PIP4P2: variants seen among roughly 807,000 people sequenced by gnomAD.
PIP4P2 encodes phosphatidylinositol-4,5-bisphosphate 4-phosphatase 2.
PIP4P2 carries 19 observed loss-of-function variants against 33.3 expected under a neutral mutation model. The ratio of observed to expected loss-of-function variants is 0.57; its 90% CI spans 0.40 to 0.84. The LOEUF is 0.84. Among genes scored for constraint, PIP4P2 ranks in the 40% least tolerant of loss-of-function variants. PIP4P2 has a pLI of 0.00. For missense variants in PIP4P2, 270 were observed against 324.7 expected (o/e 0.83, Z 1.29); for synonymous variants, 110 against 111.9 (o/e 0.98, Z 0.11).
At chr8:91,011,003 T>A (rs576603404) in intron 4 of PIP4P2, among the ~76,000 whole-genome samples, 29 of 143,914 alleles carry the variant, frequency 2.0e-4, no homozygotes, top group Non-Finnish European at 1.1e-4. Flanking sequence ...ATAATTTAAT[T>A]TTATAGTATC....
At chr8:91,033,617 A>G (rs1269222997) in intron 1 of PIP4P2, among the ~76,000 whole-genome samples, 1 of 151,682 alleles carries the variant, frequency 6.6e-6, no homozygotes, top group African/African-American at 2.4e-5. Flanking sequence ...CTTTGCTCCA[A>G]CCTCTCCATA....
At chr8:91,010,741 A>T (rs1039647771) in intron 4 of PIP4P2, among the ~76,000 whole-genome samples, 1 of 151,842 alleles carries the variant, frequency 6.6e-6, no homozygotes, top group Non-Finnish European at 1.5e-5. Context: ...TGGCCTCTGG[A>T]TTCTTAAAAT....
chr8:91,010,603 T>C (rs1178919453), intron 4 of PIP4P2, among the ~76,000 whole-genome samples: 1 of 151,938 alleles, frequency 6.6e-6, no homozygotes, highest in African/African-American at 2.4e-5. Context: ...AGTACTCACT[T>C]AAACGGAGCA....
In PIP4P2 at chr8:90,995,375, T is replaced by C. The variant is rs1811614090; in HGVS notation, c.*302A>G. On this transcript the variant is annotated 3_prime_UTR_variant, in exon 7 of 7. Coordinates refer to ENST00000285419, the MANE Select transcript of PIP4P2 (RefSeq NM_018710.3). Reference sequence around the variant, plus strand: ...TATCAGCAAGTAATGAAATAACTTATTTAAAAATAATAAAAGGGTGAGAGT... The same window carrying C: ...TATCAGCAAGTAATGAAATAACTTACTTAAAAATAATAAAAGGGTGAGAGT... 1.1e-5 allele frequency: 2 copies of C among 181,056 alleles called. No homozygotes were observed. The highest frequency in any genetic ancestry group is 2.3e-5 in the Non-Finnish European group (2 of 87,328). 11.2% of individuals were successfully genotyped at this position (181,056 alleles called of 1,614,324 possible).
chr8:91,028,421 TG>T (rs1812112597), intron 1 of PIP4P2, among the ~76,000 whole-genome samples: 1 of 152,194 alleles, frequency 6.6e-6, no homozygotes, highest in Non-Finnish European at 1.5e-5. Context: ...AATACCCAGA[TG>T]GTTCAGGAAT....
chr8:91,037,232 C>T (rs558035896), intron 1 of PIP4P2, among the ~76,000 whole-genome samples: 2 of 152,138 alleles, frequency 1.3e-5, no homozygotes, highest in Admixed American at 1.3e-4. Context: ...TCCACCATAC[C>T]TATCTCTCCA....
At chr8:91,026,351 C>T (rs1396270367) in intron 1 of PIP4P2, among the ~76,000 whole-genome samples, 3 of 152,078 alleles carry the variant, frequency 2.0e-5, no homozygotes, top group Non-Finnish European at 4.4e-5. Flanking sequence ...AACCAGCTTC[C>T]TTGTGTAGAC....
chr8:91,011,171 A>C (rs1315522344), intron 4 of PIP4P2, among the ~76,000 whole-genome samples: 1 of 151,990 alleles, frequency 6.6e-6, no homozygotes, highest in African/African-American at 2.4e-5. Flanking sequence ...ACAAATGAAA[A>C]AAATCTGGCC....
chr8:91,019,929 C>T (rs762077944), intron 3 of PIP4P2, among the ~76,000 whole-genome samples: 4 of 152,118 alleles, frequency 2.6e-5, no homozygotes, highest in Admixed American at 6.6e-5. Context: ...ACTTACATAA[C>T]ACAAAGAAAA....
At chr8:91,024,763 G>A (rs1188143041) in intron 1 of PIP4P2, among the ~76,000 whole-genome samples, 4 of 151,980 alleles carry the variant, frequency 2.6e-5, no homozygotes, top group African/African-American at 9.7e-5. Context: ...TTTTCTCCAT[G>A]GGGTTTTTCT....
chr8:91,021,505 C>T, intron 1 of PIP4P2, 101 bp from the exon 2 acceptor site: 2 of 1,362,618 alleles, frequency 1.5e-6, no homozygotes, highest in Non-Finnish European at 2.0e-6. Context: ...TCAAGATTTT[C>T]CCACGTTCTT....
intron 1 of PIP4P2, among the ~76,000 whole-genome samples, chr8:91,033,923 G>A (rs1463668858): frequency 6.6e-6 from 1 of 152,134 alleles, no homozygotes; most frequent in Non-Finnish European, 1.5e-5. Context: ...GGGACTACAG[G>A]CATGAGCCGC....
chr8:91,001,206 A>T (rs1811694216), intron 5 of PIP4P2, among the ~76,000 whole-genome samples: 2 of 152,144 alleles, frequency 1.3e-5, no homozygotes, highest in Admixed American at 1.3e-4. Flanking sequence ...AATATTATAA[A>T]CAGGATATTA....
chr8:91,014,747 C>T (rs934487836), intron 4 of PIP4P2, among the ~76,000 whole-genome samples: 2 of 117,420 alleles, frequency 1.7e-5, no homozygotes, highest in Non-Finnish European at 3.6e-5. Flanking sequence ...CTTTAGTATT[C>T]TTACCACAAA....
chr8:91,010,841 A>C (rs1169115965), intron 4 of PIP4P2, among the ~76,000 whole-genome samples: 2 of 151,650 alleles, frequency 1.3e-5, no homozygotes, highest in Non-Finnish European at 3.0e-5. Flanking sequence ...TCTAAAACCC[A>C]ATCATTTTTA....
chr8:91,028,644 G>A (rs564554727), intron 1 of PIP4P2, among the ~76,000 whole-genome samples: 1 of 152,290 alleles, frequency 6.6e-6, no homozygotes, highest in East Asian at 1.9e-4. Flanking sequence ...CTGGCCCATA[G>A]GTTAATATAG....
intron 1 of PIP4P2, among the ~76,000 whole-genome samples, chr8:91,022,339 C>T (rs1210781824): frequency 1.3e-5 from 2 of 152,038 alleles, no homozygotes; most frequent in Admixed American, 1.3e-4. Flanking sequence ...AGGGTGGAGG[C>T]CCACTTTCAA....
rs1229949255 is a variant in PIP4P2, at chr8:90,994,525, GATTAAGCA to G, written c.*1144_*1151del. 1 of 152,512 alleles carries G rather than the reference GATTAAGCA, an allele frequency of 6.6e-6. No homozygotes were observed. Among genetic ancestry groups the G allele is most frequent in the Non-Finnish European group, 1.5e-5 (1 of 67,946 alleles). The allele number at this position is 152,512 out of a possible 1,614,324, so 9.4% of individuals were successfully genotyped here. A position where few individuals can be genotyped will look rare whatever the true frequency, so the allele number is the denominator to read the frequency against. On this transcript the variant is annotated 3_prime_UTR_variant, in exon 7 of 7. Transcript: ENST00000285419. ...CATTTAAAGACTGTAGAACATTTGT[GATTAAGCA>G]ATTTCTTTTTCAAAACTGCAAAGAT...
chr8:91,040,670 G>C lies in PIP4P2; in HGVS notation c.80C>G (p.Pro27Arg), dbSNP rs750802951. Residue 27 changes from proline (P) to arginine (R), a missense_variant, in exon 1 of 7, where the codon CCG (proline) becomes CGG (arginine). Transcript: ENST00000285419. ...TCTGGGGCTGCTTTCTTGCAAGTAC[G>C]GTGGGGCGGTGGGAGTGACATTTCC... The part of the protein sequence containing the change: ...HSGNVTPTAP[P>R]YLQESSPRAE... 2 of 1,613,630 alleles carry C rather than the reference G, an allele frequency of 1.2e-6. No homozygotes were observed. The highest frequency in any genetic ancestry group is 1.7e-6 in the Non-Finnish European group (2 of 1,180,028).
Sources: allele counts gnomAD v4.1 joint callset (sites outside exome capture counted in the v4.1 genomes callset), GRCh38; gene constraint gnomAD v4.1.1; transcripts MANE v1.5; gene names NCBI Gene and HGNC (gene_info 2026-07-23, HGNC 2026-07-21).